The following OPCML variants were observed in gnomAD, a reference collection of about 807,000 sequenced individuals.
OPCML encodes opioid-binding protein/cell adhesion molecule.
In OPCML, 13 loss-of-function variants were observed where a neutral mutation model predicts 37.8. The ratio of observed to expected loss-of-function variants is 0.34; its 90% CI spans 0.22 to 0.55. The LOEUF (loss-of-function observed/expected upper bound fraction) is 0.55, where lower values mean the gene tolerates loss of function less well. OPCML is among the 20% of genes least tolerant of loss of function. The probability of loss-of-function intolerance (pLI) is 0.91; values close to 1 mark genes in which losing one functional copy is unlikely to be tolerated. For synonymous variants in OPCML, 176 were observed against 168.8 expected (o/e 1.04, Z -0.33); for missense variants, 341 against 435.6 (o/e 0.78, Z 1.93).
chr11:133,004,212 G>A, intron 1 of OPCML: 1 of 985,446 alleles, frequency 1.0e-6, no homozygotes. Context: ...CCTTGCCTGA[G>A]AGTCACTTTC....
At chr11:132,923,642 C>T (rs1944886390) in intron 2 of OPCML, among the ~76,000 whole-genome samples, 1 of 151,896 alleles carries the variant, frequency 6.6e-6, no homozygotes, top group Admixed American at 6.6e-5. Context: ...TGTCTGATTG[C>T]ACCTACTTAC....
chr11:133,467,902 T>C (rs143576875), intron 1 of OPCML, among the ~76,000 whole-genome samples: 1 of 152,330 alleles, frequency 6.6e-6, no homozygotes, highest in East Asian at 1.9e-4. Flanking sequence ...CAGCTTTGTT[T>C]ATATCACAAT....
rs117960663 is a variant in OPCML, at chr11:132,908,663, C to A, written c.146+34263G>T. On this transcript the variant is annotated intron_variant, in intron 2 of 7. Coordinates refer to ENST00000524381, the MANE Select transcript of OPCML (RefSeq NM_001012393.5). ...TGACCACAGCGCCACCAGTTCTCAC[C>A]AGACAGTTTCATCTTATTTATTGTA... Among the ~76,000 whole-genome samples the A allele has an allele frequency of 5.4e-3, 827 of 152,312 alleles. 23 individuals are homozygous for A. The East Asian group carries it at 0.07, about 13-fold the overall frequency.
chr11:132,425,564 G>A lies in OPCML; in HGVS notation c.917-5271C>T, dbSNP rs753744323. Among the ~76,000 whole-genome samples, 98 of 152,222 alleles carry A rather than the reference G, an allele frequency of 6.4e-4. 2 individuals carry two copies. Among genetic ancestry groups the A allele is most frequent in the Non-Finnish European group, 2.2e-4 (15 of 68,040 alleles). On this transcript the variant is annotated intron_variant, in intron 7 of 7. Coordinates refer to ENST00000524381, the MANE Select transcript of OPCML (RefSeq NM_001012393.5). ...TTAAGATGGTGTGTGCAATCATCAAGTACAGAGTAAAGGATGATGAAATAT... is the reference window on the plus strand; with the variant it reads ...TTAAGATGGTGTGTGCAATCATCAAATACAGAGTAAAGGATGATGAAATAT...
At chr11:132,660,083 G>T (rs1302177096) in intron 2 of OPCML, among the ~76,000 whole-genome samples, 1 of 152,096 alleles carries the variant, frequency 6.6e-6, no homozygotes, top group Non-Finnish European at 1.5e-5. Context: ...ATTTCGTTAA[G>T]CAATAATTAA....
At chr11:132,962,601 T>C (rs1946117675) in intron 1 of OPCML, among the ~76,000 whole-genome samples, 1 of 152,206 alleles carries the variant, frequency 6.6e-6, no homozygotes, top group Non-Finnish European at 1.5e-5. Context: ...TAAAGACATG[T>C]CATTTATTTC....
At chr11:132,932,679 G>GTT (rs1260384671) in intron 2 of OPCML, among the ~76,000 whole-genome samples, 1 of 130,084 alleles carries the variant, frequency 7.7e-6, no homozygotes. Flanking sequence ...TGTGAATTCA[G>GTT]TTATATATAT....
At position 132,926,353 on chromosome 11, in the gene OPCML, G is replaced by A. The variant is rs73586412; in HGVS notation, c.146+16573C>T. 3.9e-3 allele frequency among the ~76,000 whole-genome samples: 599 copies of A among 152,200 alleles called. 9 individuals are homozygous for A. The highest frequency in any genetic ancestry group is 0.014 in the African/African-American group (575 of 41,520). ...CTCAGGCAAGGGGAGGCTGTGGTAC[G>A]CATCAAGACAGCATACCTTCTGCAA... is the stretch of plus-strand genomic sequence containing the variant. On this transcript the variant is annotated intron_variant, in intron 2 of 7. Coordinates refer to ENST00000524381, the MANE Select transcript of OPCML (RefSeq NM_001012393.5).
intron 1 of OPCML, among the ~76,000 whole-genome samples, chr11:133,001,441 T>A (rs10894637): frequency 6.6e-6 from 1 of 152,232 alleles, no homozygotes; most frequent in East Asian, 1.9e-4. Context: ...ATGTTTTTCA[T>A]CTGGATGCTA....
chr11:133,408,452 G>T (rs758565408), intron 1 of OPCML, among the ~76,000 whole-genome samples: 5 of 152,188 alleles, frequency 3.3e-5, no homozygotes, highest in Non-Finnish European at 7.3e-5. Context: ...TTATTGTCAT[G>T]CATTTGGATG....
chr11:132,462,957 C>T (rs930821982), intron 4 of OPCML, among the ~76,000 whole-genome samples: 2 of 152,134 alleles, frequency 1.3e-5, no homozygotes, highest in African/African-American at 4.8e-5. Flanking sequence ...AAGGCCATGA[C>T]CACTCTGCAC....
intron 3 of OPCML, among the ~76,000 whole-genome samples, chr11:132,642,422 G>A (rs886978381): frequency 5.3e-5 from 8 of 151,374 alleles, no homozygotes; most frequent in African/African-American, 7.4e-5. Context: ...TGAGAACAGA[G>A]GTATCACACA....
intron 1 of OPCML, among the ~76,000 whole-genome samples, chr11:133,163,691 A>G (rs1161902057): frequency 3.9e-5 from 6 of 152,168 alleles, no homozygotes; most frequent in Admixed American, 6.5e-5. Flanking sequence ...TGTTGCAGGA[A>G]GGACTAATTT....
At chr11:132,887,918 A>G (rs1002579168) in intron 2 of OPCML, among the ~76,000 whole-genome samples, 7 of 152,188 alleles carry the variant, frequency 4.6e-5, no homozygotes, top group Non-Finnish European at 7.3e-5. Context: ...TATACATAGC[A>G]TAGGGAAAGT....
intron 1 of OPCML, among the ~76,000 whole-genome samples, chr11:133,139,498 A>G (rs1307543304): frequency 1.3e-5 from 2 of 152,226 alleles, no homozygotes; most frequent in Non-Finnish European, 2.9e-5. Flanking sequence ...CCTTCAGATC[A>G]TCTGCTGTTC....
At chr11:133,465,305 C>T (rs1946950690) in intron 1 of OPCML, among the ~76,000 whole-genome samples, 1 of 152,152 alleles carries the variant, frequency 6.6e-6, no homozygotes, top group Non-Finnish European at 1.5e-5. Context: ...CTTGTGCATA[C>T]CCAAGCGATC....
intron 2 of OPCML, among the ~76,000 whole-genome samples, chr11:132,670,047 A>G (rs763082298): frequency 1.8e-4 from 27 of 151,910 alleles, no homozygotes; most frequent in Non-Finnish European, 3.8e-4. Flanking sequence ...CAGCCTCCCA[A>G]TTTTTTCATT....
At chr11:133,440,742 A>C (rs927679956) in intron 1 of OPCML, among the ~76,000 whole-genome samples, 2 of 148,456 alleles carry the variant, frequency 1.3e-5, no homozygotes, top group Non-Finnish European at 3.0e-5. Context: ...AAAAAAAAAA[A>C]AAACAGAAAC....
At chr11:133,000,014 T>C (rs780676681) in intron 1 of OPCML, among the ~76,000 whole-genome samples, 46 of 152,192 alleles carry the variant, frequency 3.0e-4, no homozygotes, top group Non-Finnish European at 5.3e-4. Flanking sequence ...CTATAAAAAA[T>C]GAAGTTGACA....
Sources: allele counts gnomAD v4.1 joint callset (sites outside exome capture counted in the v4.1 genomes callset), GRCh38; gene constraint gnomAD v4.1.1; transcripts MANE v1.5; gene names NCBI Gene and HGNC (gene_info 2026-07-23, HGNC 2026-07-21).